FBXW7: variants seen among roughly 807,000 people sequenced by gnomAD.
FBXW7 encodes F-box and WD repeat domain containing 7.
In FBXW7, 11 loss-of-function variants were observed where a neutral mutation model predicts 86.3. The ratio of observed to expected loss-of-function variants is 0.13; its 90% CI spans 0.08 to 0.21. The LOEUF is 0.21. Among genes scored for constraint, FBXW7 ranks in the 10% least tolerant of loss-of-function variants. The probability of loss-of-function intolerance (pLI) is 1.00; values close to 1 mark genes in which losing one functional copy is unlikely to be tolerated. For missense variants in FBXW7, 488 were observed against 847.4 expected, an observed-to-expected ratio of 0.58 and a Z score of 5.27; for synonymous variants, 313 against 297.9, an observed-to-expected ratio of 1.05 and a Z score of -0.52.
chr4:152,416,643 C>T (rs1432949658), intron 2 of FBXW7, among the ~76,000 whole-genome samples: 1 of 152,006 alleles, frequency 6.6e-6, no homozygotes, highest in Non-Finnish European at 1.5e-5. Context: ...ACAAAATCAG[C>T]ACAAAATGGG....
chr4:152,420,880 G>C (rs1021738523), intron 2 of FBXW7, among the ~76,000 whole-genome samples: 1 of 152,088 alleles, frequency 6.6e-6, no homozygotes, highest in African/African-American at 2.4e-5. Context: ...AATGACCAAT[G>C]AGCACTGGCT....
Position 152,350,098 on chromosome 4 carries a change from A to T in FBXW7, c.528T>A (p.Ser176=). The T allele has an allele frequency of 6.4e-7, 1 of 1,564,664 alleles. No individual in the cohort carries two copies. Among genetic ancestry groups the T allele is most frequent in the Non-Finnish European group, 8.7e-7 (1 of 1,150,514 alleles). Residue 176 remains serine (S), a synonymous_variant, in exon 5 of 14, where the codon TCT becomes TCA. Transcript: ENST00000281708. ...TKMKRKLDHG[S]EVRSFSLGKK... is the part of the protein sequence containing the mutation. ...TTCCCAAAGAAAAAGAGCGGACCTCAGAACCATGGTCCAACTTTCTTTTCA... is the reference window on the plus strand; with the variant it reads ...TTCCCAAAGAAAAAGAGCGGACCTCTGAACCATGGTCCAACTTTCTTTTCA...
chr4:152,527,481 A>T (rs551924939), intron 2 of FBXW7, among the ~76,000 whole-genome samples: 1 of 152,056 alleles, frequency 6.6e-6, no homozygotes, highest in South Asian at 2.1e-4. Context: ...AAATACACAC[A>T]CTCTGACCGG....
intron 4 of FBXW7, among the ~76,000 whole-genome samples, chr4:152,409,103 A>G (rs1035239444): frequency 6.6e-6 from 1 of 152,158 alleles, no homozygotes; most frequent in Non-Finnish European, 1.5e-5. Context: ...TTTTTTTCTC[A>G]TTAATATATT....
At chr4:152,356,152 G>T (rs1426251069) in intron 4 of FBXW7, among the ~76,000 whole-genome samples, 1 of 151,984 alleles carries the variant, frequency 6.6e-6, no homozygotes. Context: ...AGTTATCATA[G>T]TTCATTGTCA....
chr4:152,453,648 G>A (rs1411409731), intron 2 of FBXW7, among the ~76,000 whole-genome samples: 4 of 152,108 alleles, frequency 2.6e-5, no homozygotes, highest in African/African-American at 9.7e-5. Context: ...GAAATGGCCA[G>A]CAAATGCCTC....
chr4:152,351,496 T>G (rs996158350), intron 4 of FBXW7, among the ~76,000 whole-genome samples: 3 of 152,226 alleles, frequency 2.0e-5, no homozygotes, highest in African/African-American at 7.2e-5. Context: ...TCAGAAACCA[T>G]TATTTTCTTT....
chr4:152,438,409 G>C (rs2126973834), intron 2 of FBXW7, among the ~76,000 whole-genome samples: 1 of 152,174 alleles, frequency 6.6e-6, no homozygotes, highest in Admixed American at 6.5e-5. Context: ...CAGGCACGGT[G>C]GCTCATGCCT....
chr4:152,412,157 A>G (rs957587944), intron 3 of FBXW7, among the ~76,000 whole-genome samples: 1 of 152,156 alleles, frequency 6.6e-6, no homozygotes, highest in Admixed American at 6.6e-5. Flanking sequence ...ATAAAACATA[A>G]TATTTCAAGC....
Position 152,411,759 on chromosome 4 carries a change from AGTTC to A in FBXW7, c.41_44del (p.Arg14LeufsTer5). On this transcript the variant is annotated frameshift_variant, in exon 4 of 14. Transcript: ENST00000281708. LOFTEE classifies it high-confidence loss of function. ...AAGGGTTACCTCTCAGAGAGCCTCCAGTTCGTCGTCTTTTGCTGCCCACAGAGAG... is the reference window on the plus strand; with the variant it reads ...AAGGGTTACCTCTCAGAGAGCCTCCAGTCGTCTTTTGCTGCCCACAGAGAG... 1 of 1,612,918 alleles carries A rather than the reference AGTTC, an allele frequency of 6.2e-7. No individual in the cohort carries two copies. The highest frequency in any genetic ancestry group is 8.5e-7 in the Non-Finnish European group (1 of 1,179,332).
intron 2 of FBXW7, among the ~76,000 whole-genome samples, chr4:152,446,511 A>C (rs557639830): frequency 6.6e-6 from 1 of 152,312 alleles, no homozygotes; most frequent in South Asian, 2.1e-4. Context: ...GGGACTTTAA[A>C]ATGTTCATAC....
chr4:152,462,861 T>C (rs2149634463), intron 2 of FBXW7, among the ~76,000 whole-genome samples: 1 of 151,980 alleles, frequency 6.6e-6, no homozygotes, highest in East Asian at 1.9e-4. Flanking sequence ...TCCACCAAGT[T>C]AAAATCTTTA....
chr4:152,408,402 C>A (rs1276762881), intron 4 of FBXW7, among the ~76,000 whole-genome samples: 1 of 152,184 alleles, frequency 6.6e-6, no homozygotes, highest in African/African-American at 2.4e-5. Flanking sequence ...AAGAGACAGA[C>A]ATTTGTATCT....
At chr4:152,470,856 G>C (rs890641198) in intron 2 of FBXW7, among the ~76,000 whole-genome samples, 2 of 152,032 alleles carry the variant, frequency 1.3e-5, no homozygotes, top group African/African-American at 4.8e-5. Flanking sequence ...TGCATTTGAT[G>C]ATAAAACTCA....
At chr4:152,471,655 T>C (rs1471504817) in intron 2 of FBXW7, among the ~76,000 whole-genome samples, 2 of 152,064 alleles carry the variant, frequency 1.3e-5, no homozygotes, top group African/African-American at 2.4e-5. Flanking sequence ...TCCCAGCATT[T>C]TGGGAGACCC....
At chr4:152,413,422 C>T (rs1024090794) in intron 2 of FBXW7, among the ~76,000 whole-genome samples, 3 of 151,950 alleles carry the variant, frequency 2.0e-5, no homozygotes, top group African/African-American at 7.2e-5. Context: ...AGGAAGAATA[C>T]TAATAAAAGA....
chr4:152,408,307 C>T (rs895703757), intron 4 of FBXW7, among the ~76,000 whole-genome samples: 16 of 152,062 alleles, frequency 1.1e-4, no homozygotes, highest in Admixed American at 4.6e-4. Context: ...GTCAAAGATT[C>T]TTCAATATGA....
At chr4:152,376,411 A>G (rs978694081) in intron 4 of FBXW7, among the ~76,000 whole-genome samples, 6 of 152,162 alleles carry the variant, frequency 3.9e-5, no homozygotes, top group African/African-American at 4.8e-5. Context: ...TTCTGAAACA[A>G]AAGCAATACG....
At chr4:152,500,603 G>C (rs1486500784) in intron 2 of FBXW7, among the ~76,000 whole-genome samples, 1 of 151,886 alleles carries the variant, frequency 6.6e-6, no homozygotes, top group Non-Finnish European at 1.5e-5. Flanking sequence ...CCAGTTACAG[G>C]TATGGAAACA....
Sources: allele counts gnomAD v4.1 joint callset (sites outside exome capture counted in the v4.1 genomes callset), GRCh38; gene constraint gnomAD v4.1.1; transcripts MANE v1.5; gene names NCBI Gene and HGNC (gene_info 2026-07-23, HGNC 2026-07-21).